PRDM16: variants seen among roughly 807,000 people sequenced by gnomAD.
PRDM16 encodes PR/SET domain 16.
In PRDM16, 23 loss-of-function variants were observed where a neutral mutation model predicts 110.6. That is an observed-to-expected ratio of 0.21 (90% CI 0.15 to 0.29). PRDM16 has a LOEUF of 0.29. PRDM16 is among the 10% of genes least tolerant of loss of function. PRDM16 has a pLI of 1.00. For missense variants in PRDM16, 1,615 were observed against 1,794.3 expected, an observed-to-expected ratio of 0.90 and a Z score of 1.81; for synonymous variants, 799 against 781.8, an observed-to-expected ratio of 1.02 and a Z score of -0.37.
In PRDM16 at chr1:3,209,940, T is replaced by A. The variant is rs1261709591; in HGVS notation, c.387+23466T>A. 6.6e-6 allele frequency among the ~76,000 whole-genome samples: 1 copy of A among 152,168 alleles called. No homozygotes were observed. Among genetic ancestry groups the A allele is most frequent in the African/African-American group, 2.4e-5 (1 of 41,436 alleles). ...TTAGCCCTTTCACAGAACTCTTACTTAACATGGAAAATATCGTAGCATTTT... is the reference window on the plus strand; with the variant it reads ...TTAGCCCTTTCACAGAACTCTTACTAAACATGGAAAATATCGTAGCATTTT... On this transcript the variant is annotated intron_variant, in intron 2 of 16. Transcript: ENST00000270722. The surrounding 1 kb of genome is among the most constrained non-coding windows in gnomAD (Gnocchi z 4.6).
At chr1:3,256,528 C>T (rs570839517) in intron 3 of PRDM16, among the ~76,000 whole-genome samples, 36 of 152,294 alleles carry the variant, frequency 2.4e-4, no homozygotes, top group African/African-American at 8.4e-4. Flanking sequence ...AATGTACTGT[C>T]CACCTGTTTT....
intron 3 of PRDM16, among the ~76,000 whole-genome samples, chr1:3,363,642 C>A (rs2100563353): frequency 6.6e-6 from 1 of 152,264 alleles, no homozygotes; most frequent in African/African-American, 2.4e-5. Context: ...CATTGCCCCC[C>A]AATAAGGCCC....
At chr1:3,309,618 G>A (rs1273304104) in intron 3 of PRDM16, 2 of 152,396 alleles carry the variant, frequency 1.3e-5, no homozygotes, top group African/African-American at 4.8e-5. Context: ...ACCTGGAGAA[G>A]GTGCTGGAGC....
chr1:3,109,660 A>G (rs1386433230), intron 1 of PRDM16, among the ~76,000 whole-genome samples: 1 of 152,218 alleles, frequency 6.6e-6, no homozygotes, highest in Non-Finnish European at 1.5e-5. Context: ...GGAAAGCATC[A>G]AGTCCATCCC....
At chr1:3,135,279 G>T (rs1401601775) in intron 1 of PRDM16, among the ~76,000 whole-genome samples, 2 of 152,182 alleles carry the variant, frequency 1.3e-5, no homozygotes, top group Admixed American at 1.3e-4. Flanking sequence ...AGGGTAGGGG[G>T]CCTCAGGGAG....
At chr1:3,162,839 G>A (rs1252108307) in intron 1 of PRDM16, among the ~76,000 whole-genome samples, 1 of 152,340 alleles carries the variant, frequency 6.6e-6, no homozygotes, top group South Asian at 2.1e-4. Flanking sequence ...CACCTCCGCA[G>A]GAGTGGTGTC....
intron 3 of PRDM16, among the ~76,000 whole-genome samples, chr1:3,322,165 G>A (rs193214683): frequency 6.6e-6 from 1 of 151,294 alleles, no homozygotes; most frequent in Non-Finnish European, 1.5e-5. Flanking sequence ...CACTGTGTGT[G>A]TGTGCTGTGC....
intron 3 of PRDM16, among the ~76,000 whole-genome samples, chr1:3,294,341 C>A (rs1641040510): frequency 6.6e-6 from 1 of 152,022 alleles, no homozygotes; most frequent in African/African-American, 2.4e-5. Flanking sequence ...CAGATTGAGC[C>A]CTTCTCTCCA....
At chr1:3,240,012 T>G (rs1569904225) in intron 2 of PRDM16, among the ~76,000 whole-genome samples, 13 of 112,374 alleles carry the variant, frequency 1.2e-4, no homozygotes, top group East Asian at 2.6e-4. Flanking sequence ...GAAGGAAAGA[T>G]GGAGAGAGAG....
At chr1:3,135,562 C>T (rs775184045) in intron 1 of PRDM16, among the ~76,000 whole-genome samples, 1 of 152,148 alleles carries the variant, frequency 6.6e-6, no homozygotes, top group Non-Finnish European at 1.5e-5. Flanking sequence ...ACCGAGCCCT[C>T]CCCCTCCGTG....
At position 3,243,202 on chromosome 1, in the gene PRDM16, G is replaced by T. The variant is rs968627606; in HGVS notation, c.388-885G>T. Among the ~76,000 whole-genome samples, 1 of 152,234 alleles carries T rather than the reference G, an allele frequency of 6.6e-6. No individual in the cohort carries two copies. Among genetic ancestry groups the T allele is most frequent in the African/African-American group, 2.4e-5 (1 of 41,462 alleles). ...GCTCCTGTGTGGCCCACAGCCCGCT[G>T]CTGGGGGTCCTCAGTGGCCACCCCG... is the stretch of plus-strand genomic sequence containing the variant. On this transcript the variant is annotated intron_variant, in intron 2 of 16. Coordinates refer to ENST00000270722, the MANE Select transcript of PRDM16 (RefSeq NM_022114.4). This position sits in a 1 kb window ranked among gnomAD's most constrained non-coding sequence, Gnocchi z 5.5.
intron 1 of PRDM16, among the ~76,000 whole-genome samples, chr1:3,095,149 C>T (rs956300913): frequency 6.6e-6 from 1 of 152,200 alleles, no homozygotes; most frequent in Non-Finnish European, 1.5e-5. Context: ...GAGAAGGCCC[C>T]TCTCCAGCTC....
chr1:3,097,080 A>AC (rs1642419833), intron 1 of PRDM16, among the ~76,000 whole-genome samples: 1 of 152,010 alleles, frequency 6.6e-6, no homozygotes, highest in Non-Finnish European at 1.5e-5. Flanking sequence ...CTGGGGTCAG[A>AC]CAGCGCTTCA....
At chr1:3,203,945 G>T (rs1300437867) in intron 2 of PRDM16, among the ~76,000 whole-genome samples, 5 of 152,138 alleles carry the variant, frequency 3.3e-5, no homozygotes, top group Non-Finnish European at 5.9e-5. Flanking sequence ...TGCACACCTG[G>T]TCCCCACGTC....
chr1:3,343,461 A>T (rs1351834311), intron 3 of PRDM16, among the ~76,000 whole-genome samples: 4 of 150,596 alleles, frequency 2.7e-5, no homozygotes, highest in African/African-American at 4.9e-5. Flanking sequence ...TTGATTGGTG[A>T]ATGCTTTAAA....
Position 3,208,361 on chromosome 1 carries a change from G to A in PRDM16, c.387+21887G>A, listed in dbSNP as rs1190119648. The stretch of plus-strand genomic sequence containing the variant: ...TGTGCCCGAGGCCACCCCGAGTGAT[G>A]ACGACGATTGAAAATGTCTCCAGAG... On this transcript the variant is annotated intron_variant, in intron 2 of 16. Coordinates refer to ENST00000270722, the MANE Select transcript of PRDM16 (RefSeq NM_022114.4). The surrounding 1 kb of genome is among the most constrained non-coding windows in gnomAD (Gnocchi z 6.1). The A allele has an allele frequency of 1.3e-5, 2 of 152,262 alleles. No homozygotes were observed. The highest frequency in any genetic ancestry group is 4.8e-5 in the African/African-American group (2 of 41,514). The allele number at this position is 152,262 out of a possible 1,614,324, so 9.4% of individuals were successfully genotyped here. A position where few individuals can be genotyped will look rare whatever the true frequency, so the allele number is the denominator to read the frequency against.
chr1:3,249,719 C>T (rs1396164907), intron 3 of PRDM16, among the ~76,000 whole-genome samples: 8 of 152,306 alleles, frequency 5.3e-5, no homozygotes, highest in East Asian at 1.9e-4. Flanking sequence ...CTTGCTTCGT[C>T]GCAGTAAGCC....
intron 1 of PRDM16, among the ~76,000 whole-genome samples, chr1:3,074,594 C>T (rs1462530301): frequency 6.6e-6 from 1 of 152,222 alleles, no homozygotes. Context: ...CCCCACAGCT[C>T]CTGCCCCTTC....
At position 3,437,896 on chromosome 1, in the gene PRDM16, T is replaced by C. The variant is rs959233705; in HGVS notation, c.*4085T>C. The C allele has an allele frequency of 2.2e-4, 49 of 220,484 alleles. No homozygotes were observed. The highest frequency in any genetic ancestry group is 9.1e-5 in the Non-Finnish European group (10 of 109,940). The allele number at this position is 220,484 out of a possible 1,614,324, so 13.7% of individuals were successfully genotyped here. ...GCACGAGGGATGCTGAGCCCTGGTG[T>C]CAGAGTCGTAATTTAAAGCGTGTGT... On this transcript the variant is annotated 3_prime_UTR_variant, in exon 17 of 17. Coordinates refer to ENST00000270722, the MANE Select transcript of PRDM16 (RefSeq NM_022114.4).
Sources: gnomAD v4.1 joint callset for allele counts (sites outside exome capture counted in the v4.1 genomes callset) on GRCh38, gnomAD v4.1.1 for gene constraint, Gnocchi (gnomAD v3.1) non-coding constraint, MANE v1.5 for transcripts, NCBI Gene and HGNC (gene_info 2026-07-23, HGNC 2026-07-21) for gene names.